Variants in BMP2K observed in about 807,000 individuals in gnomAD.
The protein encoded by BMP2K is BMP2 inducible kinase.
A neutral mutation model predicts 116.0 loss-of-function variants in BMP2K; 74 were observed. That is an observed-to-expected ratio of 0.64 (90% confidence interval 0.53 to 0.77). The LOEUF (loss-of-function observed/expected upper bound fraction) is 0.77, where lower values mean the gene tolerates loss of function less well. Among genes scored for constraint, BMP2K ranks in the 30% least tolerant of loss-of-function variants. The pLI, the probability that BMP2K is intolerant of heterozygous loss-of-function variation, is 0.00. For missense variants in BMP2K, 1,365 were observed against 1,403.6 expected, an observed-to-expected ratio of 0.97 and a Z score of 0.44; for synonymous variants, 486 against 502.5, an observed-to-expected ratio of 0.97 and a Z score of 0.44.
At chr4:78,865,787 T>A in intron 10 of BMP2K, 67 bp downstream of exon 10, 1 of 1,503,342 alleles carries the variant, frequency 6.7e-7, no homozygotes, top group Non-Finnish European at 9.2e-7. Context: ...TGATTTGATT[T>A]CCTGACCTCA....
chr4:78,799,181 A>G (rs1393884520), intron 1 of BMP2K, among the ~76,000 whole-genome samples: 1 of 152,150 alleles, frequency 6.6e-6, no homozygotes, highest in Non-Finnish European at 1.5e-5. Context: ...ACATACAAAC[A>G]TATATAGGAC....
At chr4:78,867,518 C>G (rs567972355) in intron 10 of BMP2K, among the ~76,000 whole-genome samples, 54 of 152,090 alleles carry the variant, frequency 3.6e-4, no homozygotes, top group Non-Finnish European at 7.2e-4. Context: ...AAAAATGTTC[C>G]GCTTTTTCCC....
chr4:78,816,747 A>G (rs1039896494), intron 1 of BMP2K, among the ~76,000 whole-genome samples: 1 of 151,990 alleles, frequency 6.6e-6, no homozygotes, highest in African/African-American at 2.4e-5. Flanking sequence ...ATAATAAAGC[A>G]TTTAAAAAAT....
Position 78,916,030 on chromosome 4 carries a change from TTAAA to T in BMP2K, c.*4002_*4005del, listed in dbSNP as rs893165499. The T allele has an allele frequency of 2.0e-5, 3 of 151,942 alleles. No homozygotes were observed. The highest frequency in any genetic ancestry group is 4.4e-5 in the Non-Finnish European group (3 of 67,872). 9.4% of individuals were successfully genotyped at this position (151,942 alleles called of 1,614,324 possible). Reference sequence around the variant, plus strand: ...ACCACTAAGCAAATAACTTTAACCTTTAAATAAAGCAAATTTACATCTTTATTGT... The same window carrying T: ...ACCACTAAGCAAATAACTTTAACCTTTAAAGCAAATTTACATCTTTATTGT... On this transcript the variant is annotated 3_prime_UTR_variant, in exon 16 of 16. Transcript: ENST00000502613.
intron 1 of BMP2K, among the ~76,000 whole-genome samples, chr4:78,785,808 A>G (rs901519974): frequency 6.6e-6 from 1 of 152,190 alleles, no homozygotes; most frequent in African/African-American, 2.4e-5. Flanking sequence ...TTAGAGAATT[A>G]TATTAGCATT....
intron 1 of BMP2K, among the ~76,000 whole-genome samples, chr4:78,783,829 A>AT (rs1008879537): frequency 6.6e-6 from 1 of 152,006 alleles, no homozygotes; most frequent in Admixed American, 6.6e-5. Context: ...AAATAAATAA[A>AT]TAATAAATAA....
intron 14 of BMP2K, among the ~76,000 whole-genome samples, chr4:78,885,776 G>A (rs879657592): frequency 2.0e-5 from 3 of 152,166 alleles, no homozygotes; most frequent in South Asian, 2.1e-4. Flanking sequence ...ATAGAATTTT[G>A]ATTGCCAAGA....
chr4:78,868,934 T>C (rs927489150), intron 10 of BMP2K, among the ~76,000 whole-genome samples: 4 of 152,138 alleles, frequency 2.6e-5, no homozygotes, highest in African/African-American at 9.7e-5. Context: ...TTCAGGCGCA[T>C]GTTGCAAGCT....
In BMP2K at chr4:78,915,550, C is replaced by T. The variant is rs1734972667; in HGVS notation, c.*3517C>T. On this transcript the variant is annotated 3_prime_UTR_variant, in exon 16 of 16. Coordinates refer to ENST00000502613, the MANE Select transcript of BMP2K (RefSeq NM_198892.2). Reference sequence around the variant, plus strand: ...CTACTGTGAGAATGAGATGACATATCTACTGTGAGAATACCATAAATGATG... The same window carrying T: ...CTACTGTGAGAATGAGATGACATATTTACTGTGAGAATACCATAAATGATG... 6.6e-6 allele frequency: 1 copy of T among 151,736 alleles called. No homozygotes were observed. The highest frequency in any genetic ancestry group is 1.9e-4 in the East Asian group (1 of 5,184). The allele number at this position is 151,736 out of a possible 1,614,324, so 9.4% of individuals were successfully genotyped here. A position where few individuals can be genotyped will look rare whatever the true frequency, so the allele number is the denominator to read the frequency against.
At chr4:78,830,551 C>G (rs2110007642) in intron 2 of BMP2K, among the ~76,000 whole-genome samples, 1 of 152,338 alleles carries the variant, frequency 6.6e-6, no homozygotes, top group Admixed American at 6.5e-5. Flanking sequence ...TCCTAGATGG[C>G]ATCTTCCTCC....
intron 10 of BMP2K, among the ~76,000 whole-genome samples, chr4:78,867,464 A>G (rs1200939244): frequency 6.6e-6 from 1 of 152,208 alleles, no homozygotes; most frequent in Non-Finnish European, 1.5e-5. Flanking sequence ...TCCTGATGTC[A>G]GGGGCCGTGT....
At chr4:78,853,463 A>G (rs1731353484) in intron 7 of BMP2K, among the ~76,000 whole-genome samples, 1 of 152,186 alleles carries the variant, frequency 6.6e-6, no homozygotes, top group African/African-American at 2.4e-5. Context: ...GGGGATGAGG[A>G]AAGAAGTACT....
At chr4:78,788,560 C>T (rs1727844932) in intron 1 of BMP2K, among the ~76,000 whole-genome samples, 1 of 151,916 alleles carries the variant, frequency 6.6e-6, no homozygotes, top group Non-Finnish European at 1.5e-5. Flanking sequence ...TTATGCAACC[C>T]AAAGGAGAAA....
At chr4:78,829,787 T>TTTCTTTTCTCTCTTCTCTTCTC (rs71216237) in intron 2 of BMP2K, among the ~76,000 whole-genome samples, 4 of 86,594 alleles carry the variant, frequency 4.6e-5, no homozygotes, top group African/African-American at 1.3e-4. Flanking sequence ...TTTCTTTTCT[T>TTTCTTTTCTCTCTTCTCTTCTC]TTCTCTTCTC....
At position 78,776,576 on chromosome 4, in the gene BMP2K, G is replaced by GGGCGGC. The variant is rs1198556233; in HGVS notation, c.34_39dup (p.Gly12_Gly13dup). Reference sequence around the variant, plus strand: ...AGTTCTCTCGGATGCCCAAGTCGGAGGGCGGCAGCGGCGGCGGAGCGGCGG... The same window carrying GGGCGGC: ...AGTTCTCTCGGATGCCCAAGTCGGAGGGCGGCGGCGGCAGCGGCGGCGGAGCGGCGG... On this transcript the variant is annotated inframe_insertion, in exon 1 of 16. Coordinates refer to ENST00000502613, the MANE Select transcript of BMP2K (RefSeq NM_198892.2). 8.6e-7 allele frequency: 1 copy of GGGCGGC among 1,159,094 alleles called. No individual in the cohort carries two copies. The allele number at this position is 1,159,094 out of a possible 1,614,324, so 71.8% of individuals were successfully genotyped here. A position where few individuals can be genotyped will look rare whatever the true frequency, so the allele number is the denominator to read the frequency against.
At chr4:78,793,179 A>G (rs1728088624) in intron 1 of BMP2K, among the ~76,000 whole-genome samples, 1 of 152,112 alleles carries the variant, frequency 6.6e-6, no homozygotes, top group Non-Finnish European at 1.5e-5. Flanking sequence ...TGGGAGGTCG[A>G]GGCGGGCGGA....
Position 78,914,607 on chromosome 4 carries a change from C to G in BMP2K, c.*2574C>G, listed in dbSNP as rs1432464492. On this transcript the variant is annotated 3_prime_UTR_variant, in exon 16 of 16. Transcript: ENST00000502613. ...AAAGCTCCCAAGATATGTGAAAGTGCTTAACACAGTACCTGGCACACAGCA... is the reference window on the plus strand; with the variant it reads ...AAAGCTCCCAAGATATGTGAAAGTGGTTAACACAGTACCTGGCACACAGCA... 1 of 151,842 alleles carries G rather than the reference C, an allele frequency of 6.6e-6. No individual in the cohort carries two copies. The highest frequency in any genetic ancestry group is 1.5e-5 in the Non-Finnish European group (1 of 67,910). The allele number at this position is 151,842 out of a possible 1,614,324, so 9.4% of individuals were successfully genotyped here.
At chr4:78,820,502 T>C (rs1729565639) in intron 1 of BMP2K, among the ~76,000 whole-genome samples, 2 of 152,160 alleles carry the variant, frequency 1.3e-5, no homozygotes, top group African/African-American at 4.8e-5. Flanking sequence ...ATATCTTTGA[T>C]ACATTTTTTT....
At chr4:78,787,586 A>G (rs1016671919) in intron 1 of BMP2K, among the ~76,000 whole-genome samples, 3 of 152,140 alleles carry the variant, frequency 2.0e-5, no homozygotes, top group South Asian at 4.1e-4. Context: ...TGAGTGGCGG[A>G]TAGTACCACT....
Sources: gnomAD v4.1 joint callset for allele counts (sites outside exome capture counted in the v4.1 genomes callset) on GRCh38, gnomAD v4.1.1 for gene constraint, MANE v1.5 for transcripts, NCBI Gene and HGNC (gene_info 2026-07-23, HGNC 2026-07-21) for gene names.